Variants in LENG1 observed in about 807,000 individuals in gnomAD.
LENG1 encodes leukocyte receptor cluster member 1, also known as leukocyte receptor cluster (LRC) member 1.
LENG1 carries 35 observed loss-of-function variants against 28.8 expected under a neutral mutation model. The ratio of observed to expected loss-of-function variants is 1.22; its 90% CI spans 0.93 to 1.61. LENG1 has a LOEUF of 1.61. Ranked by LOEUF, LENG1 falls within the 40% of genes most tolerant of loss-of-function variation. The pLI is 0.00. For synonymous variants in LENG1, 170 were observed against 140.6 expected (o/e 1.21, Z -1.48); for missense variants, 404 against 348.9 (o/e 1.16, Z -1.26).
At chr19:54,158,950 G>T (rs1458884730) in intron 1 of LENG1, among the ~76,000 whole-genome samples, 6 of 152,224 alleles carry the variant, frequency 3.9e-5, no homozygotes, top group Admixed American at 3.9e-4. Context: ...CTAAGGAAAT[G>T]AAAGTTGGGT....
chr19:54,156,806 T>G lies in LENG1; in HGVS notation c.532A>C (p.Ser178Arg), dbSNP rs769508573. 2.5e-6 allele frequency: 4 copies of G among 1,613,358 alleles called. No individual in the cohort carries two copies. Among genetic ancestry groups the G allele is most frequent in the East Asian group, 4.5e-5 (2 of 44,832 alleles). ...RQHGGDEGSR[S>R]RKEKEGSEKQ... ...TCAGACCCCTCCTTTTCCTTTCTGC[T>G]GCGACTGCCTTCATCACCGCCGTGC... The change falls in exon 3 of 4, where the codon AGC (serine) becomes CGC (arginine). Residue 178 changes from serine to arginine, a missense_variant. By Grantham distance (110) the Ser-to-Arg change is moderately radical. Coordinates refer to ENST00000222224, the MANE Select transcript of LENG1 (RefSeq NM_024316.3).
rs760446898 is a variant in LENG1, at chr19:54,159,555, C to G, written c.132+9G>C. ...CCCGGAGCGCCGCCCTGCCGGCTTC[C>G]GAGCTTACCTCTTGCTGAGCCAGCA... is the stretch of plus-strand genomic sequence containing the variant. On this transcript the variant is annotated intron_variant, in intron 1 of 3. Coordinates refer to ENST00000222224, the MANE Select transcript of LENG1 (RefSeq NM_024316.3). 4 of 1,548,212 alleles carry G rather than the reference C, an allele frequency of 2.6e-6. No homozygotes were observed. In the African/African-American group the frequency reaches 4.1e-5, roughly 16 times the overall value.
At chr19:54,157,050 G>A (rs371463174) in intron 2 of LENG1, 25 bp from the exon 3 acceptor site, 24 of 1,504,608 alleles carry the variant, frequency 1.6e-5, no homozygotes, top group Middle Eastern at 1.8e-4. Context: ...AAATACAAGA[G>A]ATGTGATATA....
At chr19:54,158,959 G>A (rs1351943521) in intron 1 of LENG1, among the ~76,000 whole-genome samples, 5 of 152,224 alleles carry the variant, frequency 3.3e-5, no homozygotes, top group Admixed American at 3.3e-4. Context: ...TGAAAGTTGG[G>A]TGTACACCAA....
rs779946633 is a variant in LENG1 at position 54,155,815 on chromosome 19, T to A, written c.701A>T (p.Asp234Val). The part of the protein sequence containing the change: ...RALQEGQPEE[D>V]ETDDRRRRYN... ...CCGCCGCCGCCGGTCATCCGTCTCG[T>A]CTTCTTCCGGCTGACCCTCCTGTAG... Residue 234 changes from aspartate (D) to valine (V), a missense_variant, in exon 4 of 4, where the codon GAC (aspartate) becomes GTC (valine). Transcript: ENST00000222224. 1.9e-6 allele frequency: 3 copies of A among 1,612,478 alleles called. No homozygotes were observed. Among genetic ancestry groups the A allele is most frequent in the Non-Finnish European group, 1.7e-6 (2 of 1,179,818 alleles).
intron 3 of LENG1, 116 bp downstream of exon 3, chr19:54,156,647 C>G (rs2075392576): frequency 3.6e-6 from 4 of 1,112,900 alleles, no homozygotes; most frequent in African/African-American, 1.6e-5. Context: ...CTCCACCTAG[C>G]CAGCCCTTCA....
At chr19:54,159,378 C>G (rs1287505999) in intron 1 of LENG1, among the ~76,000 whole-genome samples, 186 bp downstream of exon 1, 1 of 152,228 alleles carries the variant, frequency 6.6e-6, no homozygotes, top group East Asian at 1.9e-4. Flanking sequence ...AGGGCGAGAT[C>G]AAGGAAGGTT....
intron 2 of LENG1, 88 bp from the exon 3 acceptor site, chr19:54,157,113 G>A (rs1439650500): frequency 2.7e-6 from 3 of 1,112,926 alleles, no homozygotes; most frequent in Non-Finnish European, 2.5e-6. Context: ...AAGCGAACAG[G>A]TATCTAAGGC....
rs1224964241 is a variant in LENG1, at chr19:54,155,929, A to G, written c.587T>C (p.Leu196Pro). 3 of 1,608,686 alleles carry G rather than the reference A, an allele frequency of 1.9e-6. No individual in the cohort carries two copies. The highest frequency in any genetic ancestry group is 1.1e-5 in the South Asian group (1 of 89,938). ...EKQRPKEPPS[L>P]DQLRAERLRR... ...CAGACGTTCAGCTCGAAGCTGGTCC[A>G]GGGATGGAGGCCTGTGGGGAGAGGA... The change falls in exon 4 of 4, where the codon CTG (leucine) becomes CCG (proline). Residue 196 changes from leucine to proline, a missense_variant. Physicochemically the swap from Leu to Pro is moderately conservative, Grantham distance 98. Coordinates refer to ENST00000222224, the MANE Select transcript of LENG1 (RefSeq NM_024316.3).
At chr19:54,156,636 T>G in intron 3 of LENG1, 127 bp downstream of exon 3, 1 of 1,000,998 alleles carries the variant, frequency 1.0e-6, no homozygotes, top group South Asian at 1.8e-5. Flanking sequence ...GAGAACCACT[T>G]CTCCACCTAG....
intron 1 of LENG1, among the ~76,000 whole-genome samples, chr19:54,159,158 C>T (rs574883838): frequency 2.7e-4 from 41 of 152,316 alleles, no homozygotes; most frequent in Admixed American, 3.9e-4. Context: ...ACGAACAGTG[C>T]TTATTGGGGA....
intron 3 of LENG1, 42 bp downstream of exon 3, chr19:54,156,721 T>G: frequency 6.4e-7 from 1 of 1,563,414 alleles, no homozygotes; most frequent in East Asian, 2.3e-5. Flanking sequence ...TGCCAAGCCC[T>G]GAAGGTCTGG....
Position 54,155,651 on chromosome 19 carries a change from A to G in LENG1, c.*70T>C. Reference sequence around the variant, plus strand: ...TTTGGTAAACCTATTTTCATTTTGGAAAATATTTATGAATAAATAGTTTTA... The same window carrying G: ...TTTGGTAAACCTATTTTCATTTTGGGAAATATTTATGAATAAATAGTTTTA... On this transcript the variant is annotated 3_prime_UTR_variant, in exon 4 of 4. Coordinates refer to ENST00000222224, the MANE Select transcript of LENG1 (RefSeq NM_024316.3). The G allele has an allele frequency of 7.1e-7, 1 of 1,412,818 alleles. No individual in the cohort carries two copies. The highest frequency in any genetic ancestry group is 9.6e-7 in the Non-Finnish European group (1 of 1,043,718). 87.5% of individuals were successfully genotyped at this position (1,412,818 alleles called of 1,614,324 possible). A position where few individuals can be genotyped will look rare whatever the true frequency, so the allele number is the denominator to read the frequency against.
chr19:54,159,223 T>C lies in LENG1; in HGVS notation c.132+341A>G, dbSNP rs141675750. On this transcript the variant is annotated intron_variant, in intron 1 of 3. Transcript: ENST00000222224. ...TAGCATACAGTAGATGCTCAATAAA[T>C]AGGCTGTGCAGGCAAACTAAAAAGT... Among the ~76,000 whole-genome samples the C allele has an allele frequency of 9.2e-5, 14 of 152,350 alleles. No individual in the cohort carries two copies. The East Asian group carries it at 2.5e-3, about 27-fold the overall frequency.
rs1329124150 is a variant in LENG1, at chr19:54,159,589, C to A, written c.107G>T (p.Arg36Leu). ...CTCTTGCTGAGCCAGCAGCACCCTCCGCTCACGCTCCTTCTCCTCCTCCCG... is the reference window on the plus strand; with the variant it reads ...CTCTTGCTGAGCCAGCAGCACCCTCAGCTCACGCTCCTTCTCCTCCTCCCG... ...QAREEEKERE[R>L]RVLLAQQEAR... The change falls in exon 1 of 4, where the codon CGG (arginine) becomes CTG (leucine). Residue 36 changes from arginine to leucine, a missense_variant. Coordinates refer to ENST00000222224, the MANE Select transcript of LENG1 (RefSeq NM_024316.3). 3.8e-6 allele frequency: 6 copies of A among 1,596,124 alleles called. No individual in the cohort carries two copies. Among genetic ancestry groups the A allele is most frequent in the Non-Finnish European group, 5.1e-6 (6 of 1,171,132 alleles).
chr19:54,157,352 G>A (rs1370257373), intron 2 of LENG1, among the ~76,000 whole-genome samples: 2 of 152,188 alleles, frequency 1.3e-5, no homozygotes, highest in African/African-American at 4.8e-5. Flanking sequence ...AGAGACAGCA[G>A]ATAAATGACA....
chr19:54,156,037 T>C, intron 3 of LENG1, 97 bp from the exon 4 acceptor site: 1 of 1,091,496 alleles, frequency 9.2e-7, no homozygotes, highest in South Asian at 1.5e-5. Context: ...GAAGCCCCGC[T>C]GCATCCAGCA....
intron 2 of LENG1, 132 bp from the exon 3 acceptor site, chr19:54,157,157 T>G: frequency 1.5e-6 from 1 of 668,260 alleles, no homozygotes. Flanking sequence ...GTGCTGGGGA[T>G]GGAAGACAAA....
At chr19:54,157,050 G>C in intron 2 of LENG1, 25 bp from the exon 3 acceptor site, 1 of 1,504,728 alleles carries the variant, frequency 6.6e-7, no homozygotes, top group Non-Finnish European at 8.9e-7. Context: ...AAATACAAGA[G>C]ATGTGATATA....
Sources: allele counts gnomAD v4.1 joint callset (sites outside exome capture counted in the v4.1 genomes callset), GRCh38; gene constraint gnomAD v4.1.1; transcripts MANE v1.5; gene names NCBI Gene and HGNC (gene_info 2026-07-23, HGNC 2026-07-21).